The following HCN2 variants were observed in gnomAD, a reference collection of about 807,000 sequenced individuals.
HCN2 encodes potassium/sodium hyperpolarization-activated cyclic nucleotide-gated channel 2.
HCN2 carries 20 observed loss-of-function variants against 52.3 expected under a neutral mutation model. The ratio of observed to expected loss-of-function variants is 0.38; its 90% CI spans 0.27 to 0.56. The LOEUF (loss-of-function observed/expected upper bound fraction) is 0.56, where lower values mean the gene tolerates loss of function less well. Ranked by LOEUF, HCN2 falls within the 20% of genes least tolerant of loss-of-function variation. The pLI, the probability that HCN2 is intolerant of heterozygous loss-of-function variation, is 0.71. For synonymous variants in HCN2, 694 were observed against 537.0 expected, an observed-to-expected ratio of 1.29 and a Z score of -4.04; for missense variants, 981 against 1,207.7, an observed-to-expected ratio of 0.81 and a Z score of 2.78.
chr19:605,038 G>A, intron 2 of HCN2, 23 bp from the exon 3 acceptor site: 1 of 1,603,188 alleles, frequency 6.2e-7, no homozygotes. Flanking sequence ...CGGGTAGGGT[G>A]GGCTCACGGC....
chr19:603,441 G>C (rs142154006), intron 1 of HCN2, 103 bp from the exon 2 acceptor site: 1 of 852,704 alleles, frequency 1.2e-6, no homozygotes, highest in East Asian at 2.7e-5. Context: ...GCACTGGCTC[G>C]AGGTGTGGGC....
At chr19:610,830 T>C (rs576517756) in intron 5 of HCN2, among the ~76,000 whole-genome samples, 1 of 152,240 alleles carries the variant, frequency 6.6e-6, no homozygotes, top group East Asian at 1.9e-4. Context: ...ACCCACAGGC[T>C]GAGTGGCTTG....
At chr19:605,261 C>T (rs945385747) in intron 3 of HCN2, 39 bp downstream of exon 3, 1 of 1,599,154 alleles carries the variant, frequency 6.3e-7, no homozygotes, top group African/African-American at 1.3e-5. Flanking sequence ...GAGACGCAGG[C>T]TCCCATACAG....
Position 589,897 on chromosome 19 carries a change from G to C in HCN2, c.-49G>C, listed in dbSNP as rs1469870249. The C allele has an allele frequency of 9.2e-6, 6 of 651,774 alleles. No homozygotes were observed. Among genetic ancestry groups the C allele is most frequent in the Non-Finnish European group, 9.2e-6 (5 of 542,820 alleles). 40.4% of individuals were successfully genotyped at this position (651,774 alleles called of 1,614,324 possible). A position where few individuals can be genotyped will look rare whatever the true frequency, so the allele number is the denominator to read the frequency against. On this transcript the variant is annotated 5_prime_UTR_variant, in exon 1 of 8. Transcript: ENST00000251287. ...CTCCCCCCTCCCTCGGGCTCCGGCC[G>C]GCGGCGGCGGCGGCGGCTCCGCTCC...
chr19:590,362 G>A lies in HCN2; in HGVS notation c.417G>A (p.Gly139=). The change falls in exon 1 of 8, where the codon GGG becomes GGA. Residue 139 remains glycine (G), a synonymous_variant. Transcript: ENST00000251287. This position sits in a 1 kb window ranked among gnomAD's most constrained non-coding sequence, Gnocchi z 7.2. ...GAASGPAPGP[G]PAEEAGSEEA... is the part of the protein sequence containing the mutation. ...CCTCGGGGCCCGCGCCGGGGCCGGGGCCGGCGGAGGAGGCGGGCAGCGAGG... is the reference window on the plus strand; with the variant it reads ...CCTCGGGGCCCGCGCCGGGGCCGGGACCGGCGGAGGAGGCGGGCAGCGAGG... The A allele has an allele frequency of 3.5e-6, 4 of 1,141,686 alleles. No individual in the cohort carries two copies. The highest frequency in any genetic ancestry group is 4.3e-6 in the Non-Finnish European group (4 of 931,138). 70.7% of individuals were successfully genotyped at this position (1,141,686 alleles called of 1,614,324 possible).
Position 613,503 on chromosome 19 carries a change from G to A in HCN2, c.1825+15G>A, listed in dbSNP as rs1568368511. The stretch of plus-strand genomic sequence containing the variant: ...CTACTTCGGGGGTGAGCTTGAGGGG[G>A]GCGCGCCTGGAGGGGGAGGGGGCAC... On this transcript the variant is annotated intron_variant, in intron 6 of 7. Coordinates refer to ENST00000251287, the MANE Select transcript of HCN2 (RefSeq NM_001194.4). 4 of 1,565,014 alleles carry A rather than the reference G, an allele frequency of 2.6e-6. No homozygotes were observed. The highest frequency in any genetic ancestry group is 1.1e-5 in the South Asian group (1 of 90,358).
chr19:595,797 C>T (rs570031313), intron 1 of HCN2, among the ~76,000 whole-genome samples: 5 of 152,334 alleles, frequency 3.3e-5, no homozygotes, highest in Admixed American at 1.3e-4. Flanking sequence ...GCCATGACTC[C>T]ACAGCTGAGA....
intron 1 of HCN2, among the ~76,000 whole-genome samples, chr19:595,444 G>A (rs1982999464): frequency 6.6e-6 from 1 of 152,104 alleles, no homozygotes; most frequent in Admixed American, 6.5e-5. Context: ...CCTGGCTCCA[G>A]CCCTCCCCAG....
chr19:599,931 A>C (rs1983152826), intron 1 of HCN2, among the ~76,000 whole-genome samples: 1 of 144,986 alleles, frequency 6.9e-6, no homozygotes, highest in Non-Finnish European at 1.5e-5. Context: ...CTGGTCTTGA[A>C]CTCCTGGGCT....
rs1305660967 is a variant in HCN2 at position 617,121 on chromosome 19, A to AC, written c.*652dup. 1.6e-5 allele frequency: 6 copies of AC among 384,182 alleles called. No homozygotes were observed. The highest frequency in any genetic ancestry group is 6.6e-5 in the East Asian group (1 of 15,214). The allele number at this position is 384,182 out of a possible 1,614,324, so 23.8% of individuals were successfully genotyped here. ...CCCCCCACGCCCCATTAACCCCCAC[A>AC]CCCCCATTCCGCGCAATAAACGACA... On this transcript the variant is annotated 3_prime_UTR_variant, in exon 8 of 8. Transcript: ENST00000251287.
At chr19:608,329 C>T (rs1445972321) in intron 4 of HCN2, 147 bp downstream of exon 4, 1 of 755,788 alleles carries the variant, frequency 1.3e-6, no homozygotes, top group Admixed American at 2.3e-5. Flanking sequence ...GAGGCCTTGC[C>T]CTGGGGTCTG....
rs1054794 is a variant in HCN2 at position 617,047 on chromosome 19, G to A, written c.*573G>A. Reference sequence around the variant, plus strand: ...GCGGGGGGGAGGCTGGGGTCCCGCCGCCGTGATGAATGTACTGACGAGCCG... The same window carrying A: ...GCGGGGGGGAGGCTGGGGTCCCGCCACCGTGATGAATGTACTGACGAGCCG... On this transcript the variant is annotated 3_prime_UTR_variant, in exon 8 of 8. Transcript: ENST00000251287. 1.5e-5 allele frequency: 8 copies of A among 549,342 alleles called. No homozygotes were observed. Among genetic ancestry groups the A allele is most frequent in the East Asian group, 3.1e-5 (1 of 32,656 alleles). The allele number at this position is 549,342 out of a possible 1,614,324, so 34.0% of individuals were successfully genotyped here. A position where few individuals can be genotyped will look rare whatever the true frequency, so the allele number is the denominator to read the frequency against.
intron 1 of HCN2, among the ~76,000 whole-genome samples, chr19:597,044 G>A (rs879584211): frequency 4.6e-5 from 7 of 152,200 alleles, no homozygotes; most frequent in South Asian, 2.1e-4. Context: ...GGCTGGTGAC[G>A]ACGAGGGTTG....
intron 1 of HCN2, among the ~76,000 whole-genome samples, chr19:596,094 C>T (rs376463324): frequency 1.2e-4 from 19 of 152,216 alleles, no homozygotes; most frequent in Admixed American, 7.9e-4. Flanking sequence ...GTTTGGGAGC[C>T]GGGTCGGCGG....
chr19:615,979 G>C lies in HCN2; in HGVS notation c.2175G>C (p.Ser725=). 1 of 1,595,332 alleles carries C rather than the reference G, an allele frequency of 6.3e-7. No homozygotes were observed. The highest frequency in any genetic ancestry group is 8.5e-7 in the Non-Finnish European group (1 of 1,174,048). ...PPPPPPPQVT[S]AIATLQQAAA... is the part of the protein sequence containing the mutation. Reference sequence around the variant, plus strand: ...CGCCGCCGCCGCCGCAGGTCACCTCGGCCATCGCCACGCTGCAGCAGGCGG... The same window carrying C: ...CGCCGCCGCCGCCGCAGGTCACCTCCGCCATCGCCACGCTGCAGCAGGCGG... The change falls in exon 8 of 8, where the codon TCG becomes TCC. Residue 725 remains serine (S), a synonymous_variant. Transcript: ENST00000251287.
Position 590,143 on chromosome 19 carries a change from G to T in HCN2, c.198G>T (p.Ala66=), listed in dbSNP as rs1352824387. 3 of 963,964 alleles carry T rather than the reference G, an allele frequency of 3.1e-6. No individual in the cohort carries two copies. Among genetic ancestry groups the T allele is most frequent in the Non-Finnish European group, 3.7e-6 (3 of 814,930 alleles). The allele number at this position is 963,964 out of a possible 1,614,324, so 59.7% of individuals were successfully genotyped here. ...PRAEALPPEA[A]DEGGPRGRLR... is the part of the protein sequence containing the mutation. ...CCGAGGCGTTGCCCCCGGAGGCGGC[G>T]GATGAGGGCGGCCCGCGGGGCCGGC... Residue 66 remains alanine, a synonymous_variant, in exon 1 of 8, where the codon GCG becomes GCT. Transcript: ENST00000251287. The surrounding 1 kb of genome is among the most constrained non-coding windows in gnomAD (Gnocchi z 7.2).
chr19:597,711 TTCCTGGTGGTTTCTAGGTCC>T (rs772150912), intron 1 of HCN2, among the ~76,000 whole-genome samples: 9,415 of 134,526 alleles, frequency 0.07, 80 homozygotes, highest in Admixed American at 0.11. Flanking sequence ...TTTCTAGGTC[TTCCTGGTGGTTTCTAGGTCC>T]TCCTGGTGGT....
Position 616,522 on chromosome 19 carries a change from T to C in HCN2, c.*48T>C. 1.8e-6 allele frequency: 2 copies of C among 1,115,852 alleles called. No homozygotes were observed. Among genetic ancestry groups the C allele is most frequent in the East Asian group, 4.5e-5 (1 of 22,064 alleles). 69.1% of individuals were successfully genotyped at this position (1,115,852 alleles called of 1,614,324 possible). On this transcript the variant is annotated 3_prime_UTR_variant, in exon 8 of 8. Transcript: ENST00000251287. The stretch of plus-strand genomic sequence containing the variant: ...CCCAGGCGGGCCGGGGGCGGGGCCG[T>C]CATCCAGACCAAAGCCATGCCATTG...
At chr19:610,190 A>G (rs572943723) in intron 4 of HCN2, 69 bp from the exon 5 acceptor site, 1 of 1,543,212 alleles carries the variant, frequency 6.5e-7, no homozygotes, top group Non-Finnish European at 8.8e-7. Context: ...CCCACAGTAC[A>G]AGCAGGTGCC....
Sources: allele counts gnomAD v4.1 joint callset (sites outside exome capture counted in the v4.1 genomes callset), GRCh38; gene constraint gnomAD v4.1.1; non-coding constraint Gnocchi (gnomAD v3.1); transcripts MANE v1.5; gene names NCBI Gene and HGNC (gene_info 2026-07-23, HGNC 2026-07-21).